Variants in NRG2 observed in about 807,000 individuals in gnomAD.
NRG2 encodes the protein neuregulin 2.
In NRG2, 27 loss-of-function variants were observed where a neutral mutation model predicts 73.9. The ratio of observed to expected loss-of-function variants is 0.37; its 90% confidence interval spans 0.27 to 0.50. NRG2 has a LOEUF of 0.50. Among genes scored for constraint, NRG2 ranks in the 20% least tolerant of loss-of-function variants. NRG2 has a pLI of 0.96. For missense variants in NRG2, 1,126 were observed against 1,210.1 expected (o/e 0.93, Z 1.03); for synonymous variants, 532 against 541.0 (o/e 0.98, Z 0.23).
intron 1 of NRG2, among the ~76,000 whole-genome samples, chr5:139,989,196 C>T (rs1203250215): frequency 6.6e-6 from 1 of 151,946 alleles, no homozygotes; most frequent in African/African-American, 2.4e-5. Flanking sequence ...CCATTATCTC[C>T]GGAATAGATT....
At chr5:139,881,953 C>T (rs1763550483) in intron 2 of NRG2, among the ~76,000 whole-genome samples, 1 of 152,204 alleles carries the variant, frequency 6.6e-6, no homozygotes, top group Admixed American at 6.5e-5. Flanking sequence ...GTTCACAGCC[C>T]TCACCCCTTC....
At chr5:140,036,539 T>C (rs569327105) in intron 1 of NRG2, among the ~76,000 whole-genome samples, 22 of 152,356 alleles carry the variant, frequency 1.4e-4, no homozygotes, top group African/African-American at 5.3e-4. Context: ...TGTCATAATT[T>C]AGCACTTCTA....
At chr5:139,994,503 A>G (rs1219702871) in intron 1 of NRG2, among the ~76,000 whole-genome samples, 1 of 152,220 alleles carries the variant, frequency 6.6e-6, no homozygotes, top group African/African-American at 2.4e-5. Flanking sequence ...TGAAATAGGG[A>G]GTTGTTGTTT....
chr5:139,962,800 AG>A (rs1755179037), intron 1 of NRG2, among the ~76,000 whole-genome samples: 1 of 152,232 alleles, frequency 6.6e-6, no homozygotes, highest in Non-Finnish European at 1.5e-5. Flanking sequence ...GGAATATTCT[AG>A]ATGCCTGGGC....
At chr5:140,002,896 T>C (rs968437205) in intron 1 of NRG2, among the ~76,000 whole-genome samples, 2 of 152,208 alleles carry the variant, frequency 1.3e-5, no homozygotes, top group African/African-American at 4.8e-5. Context: ...GGATGTATTC[T>C]GAAGGTAGAA....
At chr5:140,011,261 A>C (rs1759343135) in intron 1 of NRG2, among the ~76,000 whole-genome samples, 1 of 152,076 alleles carries the variant, frequency 6.6e-6, no homozygotes, top group Non-Finnish European at 1.5e-5. Context: ...TCTTCCTTAA[A>C]ACTCTGTGTC....
At chr5:140,022,421 T>C (rs1290797530) in intron 1 of NRG2, among the ~76,000 whole-genome samples, 9 of 152,240 alleles carry the variant, frequency 5.9e-5, no homozygotes, top group Admixed American at 5.2e-4. Flanking sequence ...CATTTGCCAT[T>C]TCCTCATTAG....
intron 1 of NRG2, among the ~76,000 whole-genome samples, chr5:139,978,949 G>A (rs1368919134): frequency 1.3e-5 from 2 of 151,900 alleles, no homozygotes; most frequent in Non-Finnish European, 2.9e-5. Context: ...CATGGATGAA[G>A]CTGGAAACCA....
chr5:139,939,747 T>C (rs1753245433), intron 1 of NRG2, among the ~76,000 whole-genome samples: 1 of 152,154 alleles, frequency 6.6e-6, no homozygotes. Context: ...GTCTAGAATA[T>C]ATGTTTTAAA....
At chr5:140,038,336 G>A (rs1761663239) in intron 1 of NRG2, among the ~76,000 whole-genome samples, 1 of 151,890 alleles carries the variant, frequency 6.6e-6, no homozygotes, top group Non-Finnish European at 1.5e-5. Context: ...TTTGGGGGTG[G>A]GCAAGTAGTA....
At position 139,904,285 on chromosome 5, in the gene NRG2, T is replaced by A. The variant is rs761147017; in HGVS notation, c.701-16774A>T. 6.3e-7 allele frequency: 1 copy of A among 1,583,080 alleles called. No individual in the cohort carries two copies. The highest frequency in any genetic ancestry group is 8.5e-7 in the Non-Finnish European group (1 of 1,173,284). On this transcript the variant is annotated intron_variant, in intron 1 of 9. Coordinates refer to ENST00000361474, the MANE Select transcript of NRG2 (RefSeq NM_004883.3). This position sits in a 1 kb window ranked among gnomAD's most constrained non-coding sequence, Gnocchi z 6.0. ...GTTTCTCCCAGGGAAACCGGGTTTCTGGGCGCGCGGAGGTGCCCTACCTTT... is the reference window on the plus strand; with the variant it reads ...GTTTCTCCCAGGGAAACCGGGTTTCAGGGCGCGCGGAGGTGCCCTACCTTT...
intron 1 of NRG2, among the ~76,000 whole-genome samples, chr5:139,989,230 T>C (rs549334109): frequency 7.2e-5 from 11 of 152,130 alleles, no homozygotes; most frequent in African/African-American, 2.4e-4. Flanking sequence ...TTACTCTCCA[T>C]CTCAATGGCC....
At chr5:139,937,092 G>A (rs975517277) in intron 1 of NRG2, among the ~76,000 whole-genome samples, 4 of 152,176 alleles carry the variant, frequency 2.6e-5, no homozygotes, top group Admixed American at 6.5e-5. Context: ...GTGAGCCACC[G>A]TGCCTGGCCA....
At position 139,853,659 on chromosome 5, in the gene NRG2, AT is replaced by A. The variant is rs1180359575; in HGVS notation, c.1293-633del. On this transcript the variant is annotated intron_variant, in intron 6 of 9. Coordinates refer to ENST00000361474, the MANE Select transcript of NRG2 (RefSeq NM_004883.3). This position sits in a 1 kb window ranked among gnomAD's most constrained non-coding sequence, Gnocchi z 4.1. ...GTGGGACTACTTCAGATTGGCACATATTAAATGCTCGATTTATTTGATATTA... is the reference window on the plus strand; with the variant it reads ...GTGGGACTACTTCAGATTGGCACATATAAATGCTCGATTTATTTGATATTA... 2.6e-5 allele frequency among the ~76,000 whole-genome samples: 4 copies of A among 152,220 alleles called. No individual in the cohort carries two copies. Among genetic ancestry groups the A allele is most frequent in the Non-Finnish European group, 5.9e-5 (4 of 68,040 alleles).
chr5:139,952,538 C>T (rs1754288737), intron 1 of NRG2, among the ~76,000 whole-genome samples: 2 of 152,188 alleles, frequency 1.3e-5, no homozygotes, highest in African/African-American at 2.4e-5. Flanking sequence ...GAGAAGGCTC[C>T]AGATTCATAA....
intron 1 of NRG2, among the ~76,000 whole-genome samples, chr5:139,992,501 A>AG: frequency 6.6e-6 from 1 of 152,164 alleles, no homozygotes; most frequent in Non-Finnish European, 1.5e-5. Flanking sequence ...CACTGATGAT[A>AG]GGGGGACCTT....
intron 1 of NRG2, among the ~76,000 whole-genome samples, chr5:139,914,025 A>G (rs2127201879): frequency 6.6e-6 from 1 of 152,202 alleles, no homozygotes; most frequent in East Asian, 1.9e-4. Context: ...ATGGTGGCAC[A>G]CACCTGTAGT....
At chr5:140,026,573 C>T (rs7701006) in intron 1 of NRG2, among the ~76,000 whole-genome samples, 15,724 of 151,836 alleles carry the variant, frequency 0.1, 1,245 homozygotes, top group African/African-American at 0.22. Flanking sequence ...TGAACAGCCA[C>T]CGTACTCCAG....
In NRG2 at chr5:139,848,283, C is replaced by T; in HGVS notation, c.2187G>A (p.Ala729=). 1 of 1,118,664 alleles carries T rather than the reference C, an allele frequency of 8.9e-7. No homozygotes were observed. The highest frequency in any genetic ancestry group is 4.3e-5 in the South Asian group (1 of 23,330). The allele number at this position is 1,118,664 out of a possible 1,614,324, so 69.3% of individuals were successfully genotyped here. ...CAPPPPPRPR[A]RGASRRTSAG... ...CCGACGTCCTGCGGGACGCACCGCGCGCGCGCGGCCGCGGCGGCGGCGGGG... is the reference window on the plus strand; with the variant it reads ...CCGACGTCCTGCGGGACGCACCGCGTGCGCGCGGCCGCGGCGGCGGCGGGG... The change falls in exon 10 of 10, where the codon GCG becomes GCA. Residue 729 remains alanine (A), a synonymous_variant. Coordinates refer to ENST00000361474, the MANE Select transcript of NRG2 (RefSeq NM_004883.3).
Sources: gnomAD v4.1 joint callset for allele counts (sites outside exome capture counted in the v4.1 genomes callset) on GRCh38, gnomAD v4.1.1 for gene constraint, Gnocchi (gnomAD v3.1) non-coding constraint, MANE v1.5 for transcripts, NCBI Gene and HGNC (gene_info 2026-07-23, HGNC 2026-07-21) for gene names.